The following HECW2 variants were observed in gnomAD, a reference collection of about 807,000 sequenced individuals.
The protein encoded by HECW2 is HECT, C2 and WW domain containing E3 ubiquitin protein ligase 2.
In HECW2, 61 loss-of-function variants were observed where a neutral mutation model predicts 175.2. That is an observed-to-expected ratio of 0.35 (90% confidence interval 0.28 to 0.43). The LOEUF is 0.43. HECW2 is among the 20% of genes least tolerant of loss of function. The pLI is 1.00. For missense variants in HECW2, 1,524 were observed against 2,000.5 expected, an observed-to-expected ratio of 0.76 and a Z score of 4.54; for synonymous variants, 671 against 731.0, an observed-to-expected ratio of 0.92 and a Z score of 1.32.
At chr2:196,592,101 C>CA (rs1418570656) in intron 1 of HECW2, among the ~76,000 whole-genome samples, 1 of 152,122 alleles carries the variant, frequency 6.6e-6, no homozygotes, top group African/African-American at 2.4e-5. Context: ...TTCTAAATGA[C>CA]AAACTATAGA....
chr2:196,273,944 G>T, intron 16 of HECW2, 77 bp downstream of exon 16: 1 of 1,005,144 alleles, frequency 9.9e-7, no homozygotes, highest in Admixed American at 2.1e-5. Context: ...CTAACAACAG[G>T]GGAAGTATCA....
chr2:196,392,657 CCAT>C (rs1322556486), intron 2 of HECW2, among the ~76,000 whole-genome samples: 8 of 152,016 alleles, frequency 5.3e-5, no homozygotes, highest in African/African-American at 1.2e-4. Context: ...AATGCCACCA[CCAT>C]GTTTCAGAAA....
rs201809492 is a variant in HECW2 at position 196,520,856 on chromosome 2, CAAG to C, written c.-36+72649_-36+72651del. 1.8e-3 allele frequency among the ~76,000 whole-genome samples: 268 copies of C among 152,100 alleles called. 1 individual carries two copies. In the East Asian group the frequency reaches 0.025, roughly 14 times the overall value. On this transcript the variant is annotated intron_variant, in intron 1 of 28. Coordinates refer to ENST00000644978, the MANE Select transcript of HECW2 (RefSeq NM_001348768.2). ...TGCTCAGTTCACACAGAAGGACACGCAAGAAGAATAACTCACCACGTATAAGAC... is the reference window on the plus strand; with the variant it reads ...TGCTCAGTTCACACAGAAGGACACGCAAGAATAACTCACCACGTATAAGAC...
chr2:196,538,900 T>C (rs1316379914), intron 1 of HECW2, among the ~76,000 whole-genome samples: 1 of 152,126 alleles, frequency 6.6e-6, no homozygotes, highest in Non-Finnish European at 1.5e-5. Flanking sequence ...CCACAGCAGT[T>C]TCCTCGGAGC....
chr2:196,337,572 A>AT (rs896608152), intron 3 of HECW2, among the ~76,000 whole-genome samples: 29 of 39,188 alleles, frequency 7.4e-4, no homozygotes, highest in Admixed American at 2.8e-3. Context: ...AAAAAATAAA[A>AT]AAATATATAT....
intron 28 of HECW2, among the ~76,000 whole-genome samples, chr2:196,212,694 C>T (rs1687335606): frequency 6.6e-6 from 1 of 152,140 alleles, no homozygotes; most frequent in Admixed American, 6.5e-5. Flanking sequence ...GATTTATATT[C>T]TCTTGGGTAT....
At position 196,218,560 on chromosome 2, in the gene HECW2, T is replaced by A. The variant is rs556183346; in HGVS notation, c.4409-1467A>T. 5.3e-5 allele frequency among the ~76,000 whole-genome samples: 8 copies of A among 152,280 alleles called. No individual in the cohort carries two copies. The South Asian group carries it at 1.7e-3, about 32-fold the overall frequency. ...CGGGCGTGGTGGCTTACACATGTAA[T>A]CCCAGCACTTTGGGAGGCCAAGGCA... On this transcript the variant is annotated intron_variant, in intron 26 of 28. Coordinates refer to ENST00000644978, the MANE Select transcript of HECW2 (RefSeq NM_001348768.2).
intron 19 of HECW2, among the ~76,000 whole-genome samples, chr2:196,243,530 T>C (rs1271166215): frequency 2.0e-5 from 3 of 152,178 alleles, no homozygotes; most frequent in Non-Finnish European, 4.4e-5. Context: ...GCATATTTTA[T>C]ACGTTATTCA....
At chr2:196,487,360 T>C (rs1341388024) in intron 1 of HECW2, among the ~76,000 whole-genome samples, 1 of 152,166 alleles carries the variant, frequency 6.6e-6, no homozygotes, top group Non-Finnish European at 1.5e-5. Flanking sequence ...ACTTCTATTA[T>C]TGCCCAAGTG....
chr2:196,518,565 G>T (rs554381371), intron 1 of HECW2, among the ~76,000 whole-genome samples: 1 of 144,016 alleles, frequency 6.9e-6, no homozygotes, highest in Non-Finnish European at 1.5e-5. Context: ...GGAGACAGAA[G>T]AATTGCTTGA....
chr2:196,243,324 C>T (rs933837006), intron 19 of HECW2, among the ~76,000 whole-genome samples: 15 of 151,882 alleles, frequency 9.9e-5, no homozygotes, highest in African/African-American at 4.8e-5. Context: ...TGTGCCACCA[C>T]GCCCGACTAA....
intron 1 of HECW2, among the ~76,000 whole-genome samples, chr2:196,443,731 G>A (rs1319900741): frequency 5.3e-5 from 8 of 152,160 alleles, no homozygotes; most frequent in Admixed American, 6.5e-5. Context: ...TGGTTTGCTC[G>A]TTTATTAACA....
chr2:196,309,510 C>T (rs963378128), intron 10 of HECW2, among the ~76,000 whole-genome samples: 1 of 152,198 alleles, frequency 6.6e-6, no homozygotes, highest in Admixed American at 6.5e-5. Context: ...ATAGCAAGTA[C>T]ATTAAAGCAT....
intron 18 of HECW2, among the ~76,000 whole-genome samples, chr2:196,254,569 T>C (rs1216915205): frequency 1.3e-5 from 2 of 152,222 alleles, no homozygotes; most frequent in Non-Finnish European, 1.5e-5. Flanking sequence ...ATGTGAGGAT[T>C]TGGATCTTAG....
At chr2:196,486,946 C>T (rs1687026565) in intron 1 of HECW2, among the ~76,000 whole-genome samples, 2 of 152,190 alleles carry the variant, frequency 1.3e-5, no homozygotes, top group South Asian at 4.2e-4. Context: ...CCAGCCTGGG[C>T]AACATAGTGA....
At chr2:196,254,054 G>A (rs373312237) in intron 18 of HECW2, 25 bp from the exon 19 acceptor site, 20 of 1,611,148 alleles carry the variant, frequency 1.2e-5, no homozygotes, top group African/African-American at 4.0e-5. Flanking sequence ...GAAACAAAAC[G>A]GGCACTTCAG....
chr2:196,357,962 T>C (rs1693438967), intron 2 of HECW2, among the ~76,000 whole-genome samples: 1 of 152,202 alleles, frequency 6.6e-6, no homozygotes, highest in Admixed American at 6.5e-5. Flanking sequence ...TAGTGTGAAA[T>C]GGACTAATAC....
At chr2:196,482,648 G>T (rs1575595593) in intron 1 of HECW2, among the ~76,000 whole-genome samples, 1 of 152,276 alleles carries the variant, frequency 6.6e-6, no homozygotes, top group East Asian at 1.9e-4. Flanking sequence ...GGTACCAGGG[G>T]GCAGGGGAGC....
intron 1 of HECW2, among the ~76,000 whole-genome samples, chr2:196,580,418 T>C (rs1310680507): frequency 6.6e-6 from 1 of 152,118 alleles, no homozygotes; most frequent in African/African-American, 2.4e-5. Flanking sequence ...GAAGAAAATA[T>C]TTGCAAGGCA....
Sources: allele counts gnomAD v4.1 joint callset (sites outside exome capture counted in the v4.1 genomes callset), GRCh38; gene constraint gnomAD v4.1.1; transcripts MANE v1.5; gene names NCBI Gene and HGNC (gene_info 2026-07-23, HGNC 2026-07-21).